The following FARP1 variants were observed in gnomAD, a reference collection of about 807,000 sequenced individuals.
FARP1 encodes FERM, ARHGEF and pleckstrin domain-containing protein 1.
A neutral mutation model predicts 128.8 loss-of-function variants in FARP1; 52 were observed. The observed-to-expected ratio is 0.40, with a 90% CI of 0.32 to 0.51. The LOEUF is 0.51. FARP1 is among the 20% of genes least tolerant of loss of function. The pLI, the probability that FARP1 is intolerant of heterozygous loss-of-function variation, is 0.45. For missense variants in FARP1, 1,333 were observed against 1,367.9 expected (o/e 0.97, Z 0.40); for synonymous variants, 580 against 551.8 (o/e 1.05, Z -0.72).
intron 1 of FARP1, among the ~76,000 whole-genome samples, chr13:98,193,527 T>C (rs1566725308): frequency 6.6e-6 from 1 of 152,242 alleles, no homozygotes; most frequent in Non-Finnish European, 1.5e-5. Context: ...AGTGTTTTCT[T>C]ATCCAAAAAT....
chr13:98,247,647 C>T (rs1042265390), intron 2 of FARP1, among the ~76,000 whole-genome samples: 1 of 152,180 alleles, frequency 6.6e-6, no homozygotes, highest in African/African-American at 2.4e-5. Context: ...GAACCTTTCC[C>T]AGAGAAAGTT....
rs185448812 is a variant in FARP1 at position 98,417,203 on chromosome 13, G to A, written c.1826+5169G>A. Among the ~76,000 whole-genome samples, 199 of 152,194 alleles carry A rather than the reference G, an allele frequency of 1.3e-3. 3 individuals are homozygous for A. Among genetic ancestry groups the A allele is most frequent in the Middle Eastern group, 6.8e-3 (2 of 294 alleles). On this transcript the variant is annotated intron_variant, in intron 16 of 26. Transcript: ENST00000319562. ...CTTGCTTTGGGAATGATAATTTTGA[G>A]GGCCCTGTGATAAAGTGCTCCAAAC...
chr13:98,339,879 C>T lies in FARP1; in HGVS notation c.172-3883C>T, dbSNP rs141216480. On this transcript the variant is annotated intron_variant, in intron 2 of 26. Coordinates refer to ENST00000319562, the MANE Select transcript of FARP1 (RefSeq NM_005766.4). ...CATCGTTTCACTTGTCTCTGACAGG[C>T]CCTAAGGAGTGTGCAGTGCTGGGGC... is the stretch of plus-strand genomic sequence containing the variant. Among the ~76,000 whole-genome samples, 6 of 152,244 alleles carry T rather than the reference C, an allele frequency of 3.9e-5. No individual in the cohort carries two copies. The East Asian group carries it at 1.2e-3, about 29-fold the overall frequency.
chr13:98,274,942 G>C (rs1219670551), intron 2 of FARP1, among the ~76,000 whole-genome samples: 1 of 152,080 alleles, frequency 6.6e-6, no homozygotes, highest in Non-Finnish European at 1.5e-5. Flanking sequence ...TAGATGCTTG[G>C]CTATAACACT....
At chr13:98,283,639 C>T (rs911213229) in intron 2 of FARP1, among the ~76,000 whole-genome samples, 2 of 151,936 alleles carry the variant, frequency 1.3e-5, no homozygotes, top group East Asian at 2.0e-4. Context: ...GATATTTGTT[C>T]TTGCTTTAGG....
At chr13:98,385,861 G>C (rs747555452) in intron 8 of FARP1, 47 bp downstream of exon 8, 2 of 1,597,800 alleles carry the variant, frequency 1.3e-6, no homozygotes, top group South Asian at 2.2e-5. Flanking sequence ...GACAGAGAGA[G>C]AAGAGCTGGC....
chr13:98,280,282 A>G (rs1408180789), intron 2 of FARP1, among the ~76,000 whole-genome samples: 2 of 150,912 alleles, frequency 1.3e-5, no homozygotes, highest in Non-Finnish European at 3.0e-5. Flanking sequence ...CCCCCTCCAC[A>G]CCCAGCATCA....
In FARP1 at chr13:98,440,222, C is replaced by G. The variant is rs1461733718; in HGVS notation, c.2616C>G (p.Ser872Arg). Reference protein sequence around the residue: ...SSPAPEFLASSPPDNKSPDEA... With the variant: ...SSPAPEFLASRPPDNKSPDEA... ...CCGCCCCTGAGTTCCTGGCCAGCAG[C>G]CCCCCTGACAACAGTGAGTGTGGCC... The change falls in exon 23 of 27, where the codon AGC becomes AGG. Residue 872 changes from serine to arginine, a missense_variant. This residue lies in a region of FARP1 where 1,009 missense variants were observed against 969.8 expected (regional missense o/e 1.04). Transcript: ENST00000319562. The G allele has an allele frequency of 1.9e-6, 3 of 1,612,548 alleles. No individual in the cohort carries two copies. Among genetic ancestry groups the G allele is most frequent in the Non-Finnish European group, 2.5e-6 (3 of 1,178,696 alleles).
intron 1 of FARP1, among the ~76,000 whole-genome samples, chr13:98,145,453 A>T (rs1555321321): frequency 6.6e-6 from 1 of 152,248 alleles, no homozygotes; most frequent in Non-Finnish European, 1.5e-5. Flanking sequence ...CAGACTTATC[A>T]AAGAAGATCT....
In FARP1 at chr13:98,454,744, C is replaced by T. The variant is rs1227958137; in HGVS notation, c.*6427C>T. ...CCATGGCCACCGTGGTTTTGGCAGCCATCGGGGTGAACGCTCAGTGGGAGC... is the reference window on the plus strand; with the variant it reads ...CCATGGCCACCGTGGTTTTGGCAGCTATCGGGGTGAACGCTCAGTGGGAGC... On this transcript the variant is annotated 3_prime_UTR_variant, in exon 27 of 27. Coordinates refer to ENST00000319562, the MANE Select transcript of FARP1 (RefSeq NM_005766.4). 6.6e-6 allele frequency: 1 copy of T among 152,206 alleles called. No homozygotes were observed. The highest frequency in any genetic ancestry group is 1.5e-5 in the Non-Finnish European group (1 of 68,062). The allele number at this position is 152,206 out of a possible 1,614,324, so 9.4% of individuals were successfully genotyped here.
chr13:98,371,624 G>A (rs539022846), intron 5 of FARP1, among the ~76,000 whole-genome samples: 18 of 152,180 alleles, frequency 1.2e-4, no homozygotes, highest in African/African-American at 3.9e-4. Flanking sequence ...TCATGGGGCC[G>A]ATGTGTTGGG....
intron 3 of FARP1, among the ~76,000 whole-genome samples, chr13:98,360,684 C>A (rs533997723): frequency 1.3e-5 from 2 of 152,306 alleles, no homozygotes; most frequent in South Asian, 4.1e-4. Flanking sequence ...ATACAGTAGG[C>A]CTTCAAACCC....
At chr13:98,319,880 GT>G (rs1886915095) in intron 2 of FARP1, among the ~76,000 whole-genome samples, 2 of 151,900 alleles carry the variant, frequency 1.3e-5, no homozygotes, top group African/African-American at 4.8e-5. Context: ...TTGAAAATAA[GT>G]TGGAAAAAAA....
intron 1 of FARP1, among the ~76,000 whole-genome samples, chr13:98,148,421 C>G (rs1875735472): frequency 1.3e-5 from 2 of 152,152 alleles, no homozygotes; most frequent in African/African-American, 4.8e-5. Flanking sequence ...GAAAATAAAA[C>G]AAACTTGAAA....
chr13:98,301,057 T>G (rs544921175), intron 2 of FARP1, among the ~76,000 whole-genome samples: 1 of 152,174 alleles, frequency 6.6e-6, no homozygotes, highest in African/African-American at 2.4e-5. Flanking sequence ...GAGACTGCTT[T>G]GGTTGTCATC....
intron 2 of FARP1, among the ~76,000 whole-genome samples, chr13:98,236,551 T>C (rs1406134346): frequency 6.6e-6 from 1 of 152,044 alleles, no homozygotes; most frequent in Non-Finnish European, 1.5e-5. Context: ...TTTGGAGGTA[T>C]GTGACAATTT....
In FARP1 at chr13:98,264,823, G is replaced by A. The variant is rs139330996; in HGVS notation, c.171+51410G>A. 3.8e-4 allele frequency among the ~76,000 whole-genome samples: 58 copies of A among 151,874 alleles called. 1 individual carries two copies. The East Asian group carries it at 7.4e-3, about 19-fold the overall frequency. ...AGTAATAATAAGAATTACTAATATCGAATAGAATTACTATTCGATAGTAAT... is the reference window on the plus strand; with the variant it reads ...AGTAATAATAAGAATTACTAATATCAAATAGAATTACTATTCGATAGTAAT... On this transcript the variant is annotated intron_variant, in intron 2 of 26. Coordinates refer to ENST00000319562, the MANE Select transcript of FARP1 (RefSeq NM_005766.4).
chr13:98,325,840 C>A (rs1380160568), intron 2 of FARP1, among the ~76,000 whole-genome samples: 2 of 152,196 alleles, frequency 1.3e-5, no homozygotes, highest in Non-Finnish European at 2.9e-5. Flanking sequence ...TAAAACAAAA[C>A]AAAACCTGAA....
chr13:98,243,291 A>G (rs536929431), intron 2 of FARP1, among the ~76,000 whole-genome samples: 5 of 152,154 alleles, frequency 3.3e-5, no homozygotes, highest in Non-Finnish European at 5.9e-5. Flanking sequence ...CAGATATACC[A>G]AAGCGTGGTG....
Sources: gnomAD v4.1 joint callset for allele counts (sites outside exome capture counted in the v4.1 genomes callset) on GRCh38, gnomAD v4.1.1 for gene constraint, gnomAD v4.1.1 regional missense constraint, MANE v1.5 for transcripts, NCBI Gene and HGNC (gene_info 2026-07-23, HGNC 2026-07-21) for gene names.